The following SAMD4A variants were observed in gnomAD, a reference collection of about 807,000 sequenced individuals.
SAMD4A encodes the protein protein Smaug homolog 1.
A neutral mutation model predicts 81.3 loss-of-function variants in SAMD4A; 33 were observed. The ratio of observed to expected loss-of-function variants is 0.41; its 90% CI spans 0.31 to 0.54. The LOEUF (loss-of-function observed/expected upper bound fraction) is 0.54. Ranked by LOEUF, SAMD4A falls within the 20% of genes least tolerant of loss-of-function variation. The pLI is 0.37. For missense variants in SAMD4A, 854 were observed against 951.1 expected, an observed-to-expected ratio of 0.90 and a Z score of 1.34; for synonymous variants, 389 against 382.1, an observed-to-expected ratio of 1.02 and a Z score of -0.21.
At chr14:54,606,664 A>G (rs1312702054) in intron 2 of SAMD4A, among the ~76,000 whole-genome samples, 7 of 152,180 alleles carry the variant, frequency 4.6e-5, no homozygotes, top group African/African-American at 1.4e-4. Flanking sequence ...AACTCTATAT[A>G]CTGTCCATTT....
At chr14:54,615,882 T>C (rs1004142079) in intron 2 of SAMD4A, among the ~76,000 whole-genome samples, 1 of 151,284 alleles carries the variant, frequency 6.6e-6, no homozygotes, top group Admixed American at 6.6e-5. Context: ...ATAGGGACCC[T>C]CCCCTCCCCC....
intron 9 of SAMD4A, among the ~76,000 whole-genome samples, chr14:54,771,016 G>A (rs539822984): frequency 2.6e-5 from 4 of 151,520 alleles, no homozygotes; most frequent in Admixed American, 1.3e-4. Context: ...CACCTGAAAG[G>A]GTCTGAATTC....
At chr14:54,704,511 G>A (rs954327073) in intron 3 of SAMD4A, among the ~76,000 whole-genome samples, 1 of 152,202 alleles carries the variant, frequency 6.6e-6, no homozygotes, top group African/African-American at 2.4e-5. Flanking sequence ...TGGTTATCAG[G>A]TTGTAGTCAT....
At chr14:54,594,057 T>C (rs574475178) in intron 2 of SAMD4A, among the ~76,000 whole-genome samples, 1 of 152,294 alleles carries the variant, frequency 6.6e-6, no homozygotes, top group African/African-American at 2.4e-5. Context: ...TTGTTTCTTC[T>C]GTTGCAGAAG....
intron 4 of SAMD4A, among the ~76,000 whole-genome samples, chr14:54,745,461 G>A (rs961228871): frequency 4.6e-5 from 7 of 152,022 alleles, no homozygotes; most frequent in Admixed American, 1.3e-4. Flanking sequence ...GCTGCCCCTC[G>A]CTCCCCATGG....
rs1017575798 is a variant in SAMD4A at position 54,754,910 on chromosome 14, T to C, written c.1176+3373T>C. The C allele has an allele frequency of 3.2e-6, 3 of 932,594 alleles. No individual in the cohort carries two copies. In the African/African-American group the frequency reaches 5.3e-5, roughly 17 times the overall value. 57.8% of individuals were successfully genotyped at this position (932,594 alleles called of 1,614,324 possible). A position where few individuals can be genotyped will look rare whatever the true frequency, so the allele number is the denominator to read the frequency against. Reference sequence around the variant, plus strand: ...TTGGAGATTAACCGTGAGTCATACATGGTTCCTGCAATGGGGAGCTGGGGA... The same window carrying C: ...TTGGAGATTAACCGTGAGTCATACACGGTTCCTGCAATGGGGAGCTGGGGA... On this transcript the variant is annotated intron_variant, in intron 6 of 12. Coordinates refer to ENST00000554335, the MANE Select transcript of SAMD4A (RefSeq NM_015589.6).
chr14:54,675,288 C>T (rs2035966670), intron 2 of SAMD4A, among the ~76,000 whole-genome samples: 1 of 144,678 alleles, frequency 6.9e-6, no homozygotes, highest in Admixed American at 7.7e-5. Context: ...ATCACTTGAA[C>T]CTAGGAGGTG....
intron 8 of SAMD4A, among the ~76,000 whole-genome samples, chr14:54,767,077 G>T (rs1327713851): frequency 6.6e-6 from 1 of 152,180 alleles, no homozygotes; most frequent in Non-Finnish European, 1.5e-5. Flanking sequence ...CAGGATGGAG[G>T]GGCCTGCGTG....
intron 2 of SAMD4A, among the ~76,000 whole-genome samples, chr14:54,648,773 T>G (rs980869475): frequency 6.6e-6 from 1 of 152,098 alleles, no homozygotes; most frequent in Non-Finnish European, 1.5e-5. Flanking sequence ...CTGGAAGAGT[T>G]GAGAAGGAGA....
chr14:54,718,916 T>C (rs1352241104), intron 3 of SAMD4A, among the ~76,000 whole-genome samples: 2 of 151,200 alleles, frequency 1.3e-5, no homozygotes, highest in Non-Finnish European at 2.9e-5. Context: ...AGCAGGAGAA[T>C]CGCTTGAACC....
chr14:54,737,063 C>T lies in SAMD4A; in HGVS notation c.755C>T (p.Ser252Phe), dbSNP rs2037713487. ...GCACACCACAGCCCTTTGAAACGATCTGTGTCCCTTACCCCACCCATGAAT... is the reference window on the plus strand; with the variant it reads ...GCACACCACAGCCCTTTGAAACGATTTGTGTCCCTTACCCCACCCATGAAT... ...GQAHHSPLKRSVSLTPPMNVP... is the reference protein window; with the variant it reads ...GQAHHSPLKRFVSLTPPMNVP... Residue 252 changes from serine to phenylalanine, a missense_variant, in exon 4 of 13, where the codon TCT becomes TTT. Ser to Phe is a radical substitution (Grantham distance 155). Around this residue, in one of 3 missense-constraint regions of SAMD4A, gnomAD observed 387 missense variants for 405.8 expected, o/e 0.95. Coordinates refer to ENST00000554335, the MANE Select transcript of SAMD4A (RefSeq NM_015589.6). The T allele has an allele frequency of 6.2e-7, 1 of 1,613,966 alleles. No individual in the cohort carries two copies. The highest frequency in any genetic ancestry group is 8.5e-7 in the Non-Finnish European group (1 of 1,180,016).
At chr14:54,743,424 T>C (rs151076777) in intron 4 of SAMD4A, among the ~76,000 whole-genome samples, 1 of 152,224 alleles carries the variant, frequency 6.6e-6, no homozygotes, top group African/African-American at 2.4e-5. Flanking sequence ...AAGCAAGTCC[T>C]CAGGATTCCC....
At chr14:54,570,869 T>C (rs972367031) in intron 2 of SAMD4A, among the ~76,000 whole-genome samples, 1 of 152,190 alleles carries the variant, frequency 6.6e-6, no homozygotes, top group Non-Finnish European at 1.5e-5. Flanking sequence ...GCAGAATGAC[T>C]CATTCATTGG....
intron 6 of SAMD4A, among the ~76,000 whole-genome samples, chr14:54,752,369 T>C (rs1434613477): frequency 6.6e-6 from 1 of 152,198 alleles, no homozygotes; most frequent in Non-Finnish European, 1.5e-5. Context: ...TTGGGATTCT[T>C]ATGCATGGGT....
At chr14:54,661,623 T>G (rs570243541) in intron 2 of SAMD4A, among the ~76,000 whole-genome samples, 1 of 152,200 alleles carries the variant, frequency 6.6e-6, no homozygotes, top group East Asian at 1.9e-4. Context: ...ATTCCTTCTT[T>G]GTGCATGCAA....
chr14:54,618,707 T>C (rs2034547406), intron 2 of SAMD4A, among the ~76,000 whole-genome samples: 1 of 152,240 alleles, frequency 6.6e-6, no homozygotes, highest in Non-Finnish European at 1.5e-5. Context: ...TCCTCAGGGC[T>C]GCTTCTTGCT....
intron 6 of SAMD4A, among the ~76,000 whole-genome samples, chr14:54,752,224 C>G (rs536721657): frequency 7.2e-5 from 11 of 152,312 alleles, no homozygotes; most frequent in Admixed American, 3.9e-4. Context: ...CTCTTCTTAC[C>G]TTTGTGTCTG....
chr14:54,729,654 A>G (rs562565731), intron 3 of SAMD4A, among the ~76,000 whole-genome samples: 1 of 152,364 alleles, frequency 6.6e-6, no homozygotes, highest in East Asian at 1.9e-4. Context: ...AAGAAACAGT[A>G]CAGGAAAGTA....
intron 2 of SAMD4A, chr14:54,688,340 C>T (rs2036333785): frequency 2.0e-6 from 2 of 985,398 alleles, no homozygotes; most frequent in African/African-American, 1.7e-5. Flanking sequence ...CTCTGGGCTT[C>T]TGCAGACTCA....
Sources: allele counts gnomAD v4.1 joint callset (sites outside exome capture counted in the v4.1 genomes callset), GRCh38; gene constraint gnomAD v4.1.1; regional missense constraint gnomAD v4.1.1; transcripts MANE v1.5; gene names NCBI Gene and HGNC (gene_info 2026-07-23, HGNC 2026-07-21).